Variants in PNLIP observed in about 807,000 individuals in gnomAD.
PNLIP encodes pancreatic lipase, also known as pancreatic triacylglycerol lipase.
PNLIP carries 49 observed loss-of-function variants against 57.1 expected under a neutral mutation model. That is an observed-to-expected ratio of 0.86 (90% CI 0.68 to 1.09). The LOEUF (loss-of-function observed/expected upper bound fraction) is 1.09, where lower values mean the gene tolerates loss of function less well. PNLIP is among the 50% of genes least tolerant of loss of function. The pLI, the probability that PNLIP is intolerant of heterozygous loss-of-function variation, is 0.00. For synonymous variants in PNLIP, 209 were observed against 200.4 expected (o/e 1.04, Z -0.36); for missense variants, 503 against 570.2 (o/e 0.88, Z 1.20).
At chr10:116,567,643 C>A in intron 12 of PNLIP, 92 bp from the exon 13 acceptor site, 1 of 1,025,370 alleles carries the variant, frequency 9.8e-7, no homozygotes, top group Non-Finnish European at 1.5e-6. Flanking sequence ...TTCCCTCAGA[C>A]TAGGAGGTTG....
At chr10:116,558,080 TAA>T (rs1315432174) in intron 9 of PNLIP, among the ~76,000 whole-genome samples, 1 of 142,620 alleles carries the variant, frequency 7.0e-6, no homozygotes. Flanking sequence ...TTTAAACCTT[TAA>T]AAAAAAAAAA....
chr10:116,561,465 T>C lies in PNLIP; in HGVS notation c.1170-7T>C, dbSNP rs761759445. 1 of 1,605,932 alleles carries C rather than the reference T, an allele frequency of 6.2e-7. No homozygotes were observed. Among genetic ancestry groups the C allele is most frequent in the South Asian group, 1.1e-5 (1 of 89,184 alleles). ...TGTATGTTTTTGTTAACTTCTTAAA[T>C]CCTTAGGGGCACTCTCAAACCAGAT... On this transcript the variant is annotated splice_polypyrimidine_tract_variant and splice_region_variant and intron_variant, in intron 11 of 12. Coordinates refer to ENST00000369221, the MANE Select transcript of PNLIP (RefSeq NM_000936.4).
At chr10:116,554,202 A>T (rs576785703) in intron 6 of PNLIP, among the ~76,000 whole-genome samples, 2 of 152,196 alleles carry the variant, frequency 1.3e-5, no homozygotes, top group East Asian at 3.9e-4. Context: ...AAGGACATCG[A>T]GAGATTTTAT....
At chr10:116,562,843 A>G (rs911956267) in intron 12 of PNLIP, among the ~76,000 whole-genome samples, 2 of 152,210 alleles carry the variant, frequency 1.3e-5, no homozygotes, top group Admixed American at 6.5e-5. Context: ...GTCTTGCTTT[A>G]TAGTGGAAAA....
chr10:116,564,619 T>A (rs897780887), intron 12 of PNLIP, among the ~76,000 whole-genome samples: 6 of 152,136 alleles, frequency 3.9e-5, no homozygotes, highest in Non-Finnish European at 7.4e-5. Flanking sequence ...GATAAATACA[T>A]AATATTTTTA....
At chr10:116,563,560 A>C (rs144758136) in intron 12 of PNLIP, among the ~76,000 whole-genome samples, 1 of 152,226 alleles carries the variant, frequency 6.6e-6, no homozygotes, top group African/African-American at 2.4e-5. Flanking sequence ...CTTCTCCCCA[A>C]GTCCCCAAAG....
intron 12 of PNLIP, 90 bp from the exon 13 acceptor site, chr10:116,567,645 A>T: frequency 1.9e-6 from 2 of 1,028,666 alleles, no homozygotes; most frequent in Non-Finnish European, 3.1e-6. Context: ...CCCTCAGACT[A>T]GGAGGTTGGG....
At position 116,555,371 on chromosome 10, in the gene PNLIP, T is replaced by C. The variant is rs1252296880; in HGVS notation, c.692-17T>C. On this transcript the variant is annotated splice_polypyrimidine_tract_variant and intron_variant, in intron 7 of 12. Coordinates refer to ENST00000369221, the MANE Select transcript of PNLIP (RefSeq NM_000936.4). ...ATATACATTAGCATAAACCCTCATGTATTTTTATGATTTCAGGGTTTGGAA... is the reference window on the plus strand; with the variant it reads ...ATATACATTAGCATAAACCCTCATGCATTTTTATGATTTCAGGGTTTGGAA... 1.2e-6 allele frequency: 2 copies of C among 1,614,190 alleles called. No homozygotes were observed. Among genetic ancestry groups the C allele is most frequent in the South Asian group, 1.1e-5 (1 of 91,082 alleles).
At chr10:116,560,305 ACAC>A (rs1847300446) in intron 10 of PNLIP, 108 bp from the exon 11 acceptor site, 9 of 613,870 alleles carry the variant, frequency 1.5e-5, no homozygotes, top group East Asian at 1.1e-4. Flanking sequence ...ACACACACAC[ACAC>A]AATTATAAAT....
At position 116,555,653 on chromosome 10, in the gene PNLIP, T is replaced by C. The variant is rs1052933768; in HGVS notation, c.811+146T>C. The C allele has an allele frequency of 2.1e-5, 20 of 941,256 alleles. No homozygotes were observed. In the Admixed American group the frequency reaches 4.8e-4, roughly 23 times the overall value. The allele number at this position is 941,256 out of a possible 1,614,324, so 58.3% of individuals were successfully genotyped here. The stretch of plus-strand genomic sequence containing the variant: ...AATTGTATCCATGAGATGTAGGTTT[T>C]CACTGGGATAAGTGGGCATGAGGAG... On this transcript the variant is annotated intron_variant, in intron 8 of 12. Transcript: ENST00000369221.
intron 12 of PNLIP, among the ~76,000 whole-genome samples, chr10:116,566,110 G>T (rs1025320043): frequency 1.3e-5 from 2 of 152,160 alleles, no homozygotes; most frequent in Non-Finnish European, 2.9e-5. Context: ...TGCCTGGCCT[G>T]TAGCAGCTTT....
Position 116,556,134 on chromosome 10 carries a change from C to G in PNLIP, c.930+16C>G. On this transcript the variant is annotated intron_variant, in intron 9 of 12. Coordinates refer to ENST00000369221, the MANE Select transcript of PNLIP (RefSeq NM_000936.4). ...CTTCACTGCAGTAAGTAGACTCCAC[C>G]TTCCGCATAAAGAATTTTGTGACTG... The G allele has an allele frequency of 7.0e-7, 1 of 1,430,002 alleles. No individual in the cohort carries two copies. The highest frequency in any genetic ancestry group is 1.7e-5 in the Admixed American group (1 of 59,458). The allele number at this position is 1,430,002 out of a possible 1,614,324, so 88.6% of individuals were successfully genotyped here.
At chr10:116,546,901 C>T (rs1417462951) in intron 2 of PNLIP, among the ~76,000 whole-genome samples, 1 of 152,182 alleles carries the variant, frequency 6.6e-6, no homozygotes, top group Non-Finnish European at 1.5e-5. Context: ...TTGGCCTTTC[C>T]ATAAAATTTT....
At chr10:116,551,391 C>A in intron 5 of PNLIP, 159 bp downstream of exon 5, 1 of 499,046 alleles carries the variant, frequency 2.0e-6, no homozygotes. Flanking sequence ...TAAAAAAAAT[C>A]TAGCTTTGGG....
intron 9 of PNLIP, 86 bp from the exon 10 acceptor site, chr10:116,559,068 T>C: frequency 1.3e-6 from 2 of 1,513,048 alleles, no homozygotes; most frequent in Non-Finnish European, 1.8e-6. Flanking sequence ...GGCTTTAGAA[T>C]ATTTGAATGG....
At chr10:116,548,514 G>A (rs754218732) in intron 4 of PNLIP, 32 bp downstream of exon 4, 29 of 1,605,708 alleles carry the variant, frequency 1.8e-5, no homozygotes, top group Middle Eastern at 1.7e-4. Flanking sequence ...AGGAAAGATC[G>A]TTTCCAAAGT....
At chr10:116,548,036 T>G (rs548661817) in intron 3 of PNLIP, among the ~76,000 whole-genome samples, 1 of 152,254 alleles carries the variant, frequency 6.6e-6, no homozygotes, top group East Asian at 1.9e-4. Flanking sequence ...ATTATATATA[T>G]GTATCTCTAC....
At chr10:116,556,569 C>T (rs1160365766) in intron 9 of PNLIP, among the ~76,000 whole-genome samples, 1 of 151,932 alleles carries the variant, frequency 6.6e-6, no homozygotes, top group Non-Finnish European at 1.5e-5. Context: ...TTGGTATTCT[C>T]TTGATATCTT....
At chr10:116,550,534 T>G (rs572896352) in intron 4 of PNLIP, among the ~76,000 whole-genome samples, 3 of 152,358 alleles carry the variant, frequency 2.0e-5, no homozygotes, top group Admixed American at 2.0e-4. Context: ...TCTTTAGTGA[T>G]GTACAATAAA....
Sources: allele counts gnomAD v4.1 joint callset (sites outside exome capture counted in the v4.1 genomes callset), GRCh38; gene constraint gnomAD v4.1.1; transcripts MANE v1.5; gene names NCBI Gene and HGNC (gene_info 2026-07-23, HGNC 2026-07-21).